The following RFTN2 variants were observed in gnomAD, a reference collection of about 807,000 sequenced individuals.
RFTN2 encodes raftlin-2.
A neutral mutation model predicts 52.7 loss-of-function variants in RFTN2; 34 were observed. The ratio of observed to expected loss-of-function variants is 0.64; its 90% confidence interval spans 0.49 to 0.86. The LOEUF is 0.86. Among genes scored for constraint, RFTN2 ranks in the 40% least tolerant of loss-of-function variants. RFTN2 has a pLI of 0.00. For missense variants in RFTN2, 536 were observed against 600.1 expected, an observed-to-expected ratio of 0.89 and a Z score of 1.12; for synonymous variants, 203 against 217.7, an observed-to-expected ratio of 0.93 and a Z score of 0.59.
intron 7 of RFTN2, among the ~76,000 whole-genome samples, chr2:197,605,779 T>C (rs893319695): frequency 1.3e-5 from 2 of 152,178 alleles, no homozygotes; most frequent in African/African-American, 4.8e-5. Context: ...AACAGATTAG[T>C]GCTGGTATCT....
At chr2:197,587,307 C>A (rs2087616413) in intron 8 of RFTN2, among the ~76,000 whole-genome samples, 1 of 152,092 alleles carries the variant, frequency 6.6e-6, no homozygotes, top group Non-Finnish European at 1.5e-5. Flanking sequence ...GCCGTCCCAA[C>A]ACTTTACCAC....
intron 1 of RFTN2, among the ~76,000 whole-genome samples, chr2:197,654,834 C>G (rs1483387760): frequency 6.6e-6 from 1 of 151,936 alleles, no homozygotes; most frequent in Non-Finnish European, 1.5e-5. Context: ...GTCAACTCTA[C>G]TAAAAATATA....
chr2:197,658,895 A>C (rs2106264561), intron 1 of RFTN2, among the ~76,000 whole-genome samples: 1 of 152,356 alleles, frequency 6.6e-6, no homozygotes, highest in South Asian at 2.1e-4. Context: ...GTGCAAAGTG[A>C]ATGTTATTAT....
intron 5 of RFTN2, among the ~76,000 whole-genome samples, chr2:197,623,011 A>G (rs1429713336): frequency 6.6e-6 from 1 of 152,236 alleles, no homozygotes; most frequent in Non-Finnish European, 1.5e-5. Flanking sequence ...GAAGATATAC[A>G]AGAAGATTAA....
intron 5 of RFTN2, among the ~76,000 whole-genome samples, chr2:197,628,634 G>A (rs1360554728): frequency 6.6e-6 from 1 of 152,184 alleles, no homozygotes. Flanking sequence ...GAAAGAGAGA[G>A]AGAGAGAGAT....
intron 8 of RFTN2, among the ~76,000 whole-genome samples, chr2:197,588,734 T>A (rs1487659634): frequency 2.0e-5 from 3 of 152,216 alleles, no homozygotes; most frequent in Admixed American, 6.5e-5. Context: ...CTGTTTAACT[T>A]CCTGAGAAGC....
At chr2:197,581,191 T>A (rs912102170) in intron 8 of RFTN2, among the ~76,000 whole-genome samples, 1 of 152,204 alleles carries the variant, frequency 6.6e-6, no homozygotes, top group African/African-American at 2.4e-5. Flanking sequence ...TAAACTCTCC[T>A]TACAATTCCC....
Position 197,572,126 on chromosome 2 carries a change from C to T in RFTN2, c.1388G>A (p.Gly463Glu). 6.2e-7 allele frequency: 1 copy of T among 1,614,264 alleles called. No individual in the cohort carries two copies. The highest frequency in any genetic ancestry group is 2.2e-5 in the East Asian group (1 of 44,888). The change falls in exon 9 of 9, where the codon GGA becomes GAA. Residue 463 changes from glycine (G) to glutamate (E), a missense_variant. Transcript: ENST00000295049. Reference sequence around the variant, plus strand: ...GAAGCTGTTGTGCTGTGCCAGCCTTCCCTCCTTTGTCCAGCATTCCCGGGA... The same window carrying T: ...GAAGCTGTTGTGCTGTGCCAGCCTTTCCTCCTTTGTCCAGCATTCCCGGGA... ...SPSRECWTKE[G>E]RLAQHNSFSG...
In RFTN2 at chr2:197,575,887, A is replaced by T. The variant is rs531145550; in HGVS notation, c.1234-3607T>A. On this transcript the variant is annotated intron_variant, in intron 8 of 8. Transcript: ENST00000295049. ...TATTTATATATTATATATTATATAT[A>T]ATATATATAATATATATATGAAAAA... Among the ~76,000 whole-genome samples, 1,269 of 130,262 alleles carry T rather than the reference A, an allele frequency of 9.7e-3. 9 individuals carry two copies. Among genetic ancestry groups the T allele is most frequent in the Non-Finnish European group, 0.015 (894 of 59,924 alleles). 85.5% of individuals were successfully genotyped at this position (130,262 alleles called of 152,430 possible).
chr2:197,634,537 C>T (rs2088527403), intron 3 of RFTN2, among the ~76,000 whole-genome samples: 1 of 152,042 alleles, frequency 6.6e-6, no homozygotes, highest in Non-Finnish European at 1.5e-5. Flanking sequence ...TCTTACAAAG[C>T]TTTCTGATCG....
intron 1 of RFTN2, among the ~76,000 whole-genome samples, chr2:197,656,083 C>A (rs958135347): frequency 6.6e-6 from 1 of 152,182 alleles, no homozygotes; most frequent in Non-Finnish European, 1.5e-5. Context: ...AGGCCATAGA[C>A]TCCAGCACCA....
intron 8 of RFTN2, among the ~76,000 whole-genome samples, chr2:197,584,148 G>A (rs928485040): frequency 6.6e-6 from 1 of 152,142 alleles, no homozygotes; most frequent in Non-Finnish European, 1.5e-5. Flanking sequence ...ACCCAGTAAT[G>A]GGATGGCTGG....
chr2:197,644,039 T>C, intron 3 of RFTN2, 119 bp downstream of exon 3: 1 of 700,238 alleles, frequency 1.4e-6, no homozygotes, highest in South Asian at 1.6e-5. Flanking sequence ...ATGTTTTAAA[T>C]TCTGGTAGAA....
Position 197,572,153 on chromosome 2 carries a change from G to A in RFTN2, c.1361C>T (p.Pro454Leu). 1.2e-6 allele frequency: 2 copies of A among 1,614,232 alleles called. No homozygotes were observed. ...CTCCTTTGTCCAGCATTCCCGGGAG[G>A]GAGAAAGGCGGCACTCCTCAGGCAG... ...RHLPEECRLS[P>L]SRECWTKEGR... Residue 454 changes from proline (P) to leucine (L), a missense_variant, in exon 9 of 9, where the codon CCC becomes CTC. By Grantham distance (98) the Pro-to-Leu change is moderately conservative. Coordinates refer to ENST00000295049, the MANE Select transcript of RFTN2 (RefSeq NM_144629.3).
rs530669285 is a variant in RFTN2, at chr2:197,617,870, C to G, written c.980G>C (p.Gly327Ala). Reference protein sequence around the residue: ...LEGFFIYEEEGSGVPGSSRKG... With the variant: ...LEGFFIYEEEASGVPGSSRKG... ...CCTACTAGAACCTGGAACTCCAGAA[C>G]CTTCTTCTTCATAGATAAAAAATCC... The change falls in exon 6 of 9, where the codon GGT (glycine) becomes GCT (alanine). Residue 327 changes from glycine to alanine, a missense_variant. Physicochemically the swap from Gly to Ala is moderately conservative, Grantham distance 60. Transcript: ENST00000295049. The G allele has an allele frequency of 6.2e-7, 1 of 1,608,726 alleles. No individual in the cohort carries two copies. The highest frequency in any genetic ancestry group is 8.5e-7 in the Non-Finnish European group (1 of 1,176,156).
At chr2:197,627,972 C>A (rs1319186397) in intron 5 of RFTN2, among the ~76,000 whole-genome samples, 2 of 139,354 alleles carry the variant, frequency 1.4e-5, no homozygotes, top group African/African-American at 5.4e-5. Context: ...TGGTTTTGTT[C>A]TTCCATTCCT....
intron 8 of RFTN2, among the ~76,000 whole-genome samples, chr2:197,588,614 C>T (rs1025750453): frequency 5.3e-5 from 8 of 152,220 alleles, no homozygotes; most frequent in African/African-American, 9.7e-5. Context: ...GAGGTGATTA[C>T]GAACAGAGCT....
At chr2:197,648,208 CATG>C (rs1423205412) in intron 1 of RFTN2, among the ~76,000 whole-genome samples, 3 of 152,306 alleles carry the variant, frequency 2.0e-5, no homozygotes, top group Admixed American at 6.5e-5. Context: ...TCAGTATCCA[CATG>C]ATGAGACAAA....
rs897922484 is a variant in RFTN2 at position 197,622,728 on chromosome 2, C to T, written c.929-4807G>A. Among the ~76,000 whole-genome samples the T allele has an allele frequency of 1.3e-5, 2 of 152,206 alleles. 1 individual carries two copies. The highest frequency in any genetic ancestry group is 1.3e-4 in the Admixed American group (2 of 15,282). ...CAAAGCTTCGTAGGACACGCTGACT[C>T]TCTTGTTAGGGACTAATGCAGCTGG... On this transcript the variant is annotated intron_variant, in intron 5 of 8. Coordinates refer to ENST00000295049, the MANE Select transcript of RFTN2 (RefSeq NM_144629.3).
Sources: gnomAD v4.1 joint callset for allele counts (sites outside exome capture counted in the v4.1 genomes callset) on GRCh38, gnomAD v4.1.1 for gene constraint, MANE v1.5 for transcripts, NCBI Gene and HGNC (gene_info 2026-07-23, HGNC 2026-07-21) for gene names.